PHKB: variants seen among roughly 807,000 people sequenced by gnomAD.
PHKB encodes phosphorylase b kinase regulatory subunit beta.
A neutral mutation model predicts 152.1 loss-of-function variants in PHKB; 122 were observed. The ratio of observed to expected loss-of-function variants is 0.80; its 90% CI spans 0.69 to 0.93. The LOEUF is 0.93. Among genes scored for constraint, PHKB ranks in the 40% least tolerant of loss-of-function variants. The probability of loss-of-function intolerance (pLI) is 0.00; values close to 1 mark genes in which losing one functional copy is unlikely to be tolerated. For synonymous variants in PHKB, 436 were observed against 464.9 expected (o/e 0.94, Z 0.80); for missense variants, 1,304 against 1,328.4 (o/e 0.98, Z 0.29).
intron 2 of PHKB, among the ~76,000 whole-genome samples, chr16:47,498,421 T>C (rs1227878637): frequency 6.6e-6 from 1 of 152,186 alleles, no homozygotes; most frequent in African/African-American, 2.4e-5. Flanking sequence ...CTCACGCCTG[T>C]AATCCCAGCA....
chr16:47,666,102 T>TA, intron 25 of PHKB: 1 of 1,091,404 alleles, frequency 9.2e-7, no homozygotes, highest in South Asian at 1.3e-5. Context: ...CCCTTAATTT[T>TA]AAGTCTGGCA....
chr16:47,635,152 C>G (rs576205310), intron 14 of PHKB, among the ~76,000 whole-genome samples: 1 of 152,024 alleles, frequency 6.6e-6, no homozygotes, highest in Admixed American at 6.5e-5. Context: ...ACGAGTTCTT[C>G]GTGAATTAGC....
At chr16:47,608,865 C>G (rs903942927) in intron 13 of PHKB, among the ~76,000 whole-genome samples, 4 of 152,220 alleles carry the variant, frequency 2.6e-5, no homozygotes, top group Non-Finnish European at 5.9e-5. Context: ...AGCCTTTGTC[C>G]TTTCCAATCT....
At chr16:47,681,616 T>C (rs1377476277) in intron 26 of PHKB, among the ~76,000 whole-genome samples, 2 of 152,082 alleles carry the variant, frequency 1.3e-5, no homozygotes, top group East Asian at 3.9e-4. Flanking sequence ...TGTTTTCCAT[T>C]TGCTTGGTAG....
At chr16:47,554,874 G>A (rs937021109) in intron 7 of PHKB, among the ~76,000 whole-genome samples, 1 of 152,274 alleles carries the variant, frequency 6.6e-6, no homozygotes, top group Non-Finnish European at 1.5e-5. Flanking sequence ...CCAGTGAGAT[G>A]AGCTGGATAC....
rs368121894 is a variant in PHKB, at chr16:47,597,812, C to T, written c.1363+1281C>T. The T allele has an allele frequency of 5.3e-5, 8 of 151,078 alleles. No homozygotes were observed. In the East Asian group the frequency reaches 1.6e-3, roughly 29 times the overall value. 9.4% of individuals were successfully genotyped at this position (151,078 alleles called of 1,614,324 possible). ...TAATGTCTCTTTTACAGAAACTCTA[C>T]CTCTATCCTGATGTAATTAGGTTAA... On this transcript the variant is annotated intron_variant, in intron 13 of 30. Coordinates refer to ENST00000323584, the MANE Select transcript of PHKB (RefSeq NM_000293.3).
At chr16:47,552,887 T>G (rs2857612) in intron 7 of PHKB, among the ~76,000 whole-genome samples, 1 of 152,064 alleles carries the variant, frequency 6.6e-6, no homozygotes, top group African/African-American at 2.4e-5. Flanking sequence ...CATGTAGGGT[T>G]TCTGCAGAGA....
chr16:47,560,029 T>G (rs1057178989), intron 7 of PHKB, among the ~76,000 whole-genome samples: 1 of 152,226 alleles, frequency 6.6e-6, no homozygotes, highest in Admixed American at 6.5e-5. Flanking sequence ...AGTACTTCCT[T>G]CACTGGCAGG....
chr16:47,507,878 T>C (rs1193293572), intron 4 of PHKB, among the ~76,000 whole-genome samples: 1 of 152,224 alleles, frequency 6.6e-6, no homozygotes, highest in Non-Finnish European at 1.5e-5. Context: ...CTTTTCCTCC[T>C]GTCTTGGCCA....
chr16:47,644,429 G>GA lies in PHKB; in HGVS notation c.1608+2739dup, dbSNP rs144402681. 2.5e-3 allele frequency among the ~76,000 whole-genome samples: 386 copies of GA among 152,298 alleles called. 8 individuals are homozygous for GA. In the East Asian group the frequency reaches 0.052, roughly 20 times the overall value. On this transcript the variant is annotated intron_variant, in intron 16 of 30. Coordinates refer to ENST00000323584, the MANE Select transcript of PHKB (RefSeq NM_000293.3). ...GCCAACTTGGGCTGCTGTTCTACAG[G>GA]AATGTACAATTCGAAAGGAGAAAGA...
rs945657281 is a variant in PHKB at position 47,669,251 on chromosome 16, A to T, written c.2464A>T (p.Ile822Phe). 1.2e-6 allele frequency: 2 copies of T among 1,614,100 alleles called. No individual in the cohort carries two copies. The change falls in exon 26 of 31, where the codon ATC becomes TTC. Residue 822 changes from isoleucine (I) to phenylalanine (F), a missense_variant. By Grantham distance (21) the Ile-to-Phe change is conservative (BLOSUM62 0). Coordinates refer to ENST00000323584, the MANE Select transcript of PHKB (RefSeq NM_000293.3). Reference sequence around the variant, plus strand: ...TGCCTTTGGGCATGAAGAAGAAGTTATCTCTAATCCTTTGTCTCCAAGAGT... The same window carrying T: ...TGCCTTTGGGCATGAAGAAGAAGTTTTCTCTAATCCTTTGTCTCCAAGAGT... ...LGAFGHEEEV[I>F]SNPLSPRVIQ...
chr16:47,539,360 A>C (rs1971009356), intron 6 of PHKB, among the ~76,000 whole-genome samples: 2 of 152,138 alleles, frequency 1.3e-5, no homozygotes, highest in Admixed American at 1.3e-4. Context: ...AGAACAGATA[A>C]GTACTTTTTT....
At chr16:47,618,430 T>G (rs897619891) in intron 14 of PHKB, among the ~76,000 whole-genome samples, 2 of 152,188 alleles carry the variant, frequency 1.3e-5, no homozygotes, top group Non-Finnish European at 2.9e-5. Flanking sequence ...TCGTTATTTC[T>G]GTTGAGTGTC....
At position 47,479,697 on chromosome 16, in the gene PHKB, T is replaced by C. The variant is rs541529894; in HGVS notation, c.77-17702T>C. Among the ~76,000 whole-genome samples, 3 of 152,308 alleles carry C rather than the reference T, an allele frequency of 2.0e-5. No homozygotes were observed. The South Asian group carries it at 6.2e-4, about 32-fold the overall frequency. ...CCATCTTCATCTCTTCTTTGTCTTCTAATTCAGATTGCAGATCTTGGGCTC... is the reference window on the plus strand; with the variant it reads ...CCATCTTCATCTCTTCTTTGTCTTCCAATTCAGATTGCAGATCTTGGGCTC... On this transcript the variant is annotated intron_variant, in intron 1 of 30. Transcript: ENST00000323584.
intron 8 of PHKB, among the ~76,000 whole-genome samples, chr16:47,584,300 AT>A (rs563883937): frequency 1.2e-4 from 18 of 152,226 alleles, no homozygotes; most frequent in African/African-American, 3.4e-4. Context: ...TTTAAATATT[AT>A]TTAAATAATG....
intron 1 of PHKB, among the ~76,000 whole-genome samples, chr16:47,476,706 A>G (rs1039280968): frequency 6.6e-6 from 1 of 152,088 alleles, no homozygotes; most frequent in Non-Finnish European, 1.5e-5. Context: ...TCCCTTATGC[A>G]TTACTGGTGT....
chr16:47,663,758 T>C (rs1383747637), intron 24 of PHKB, 24 bp downstream of exon 24: 4 of 1,338,444 alleles, frequency 3.0e-6, no homozygotes, highest in Non-Finnish European at 4.3e-6. Flanking sequence ...TCCTTGTTGT[T>C]ATGTTTTATT....
intron 1 of PHKB, among the ~76,000 whole-genome samples, chr16:47,470,036 G>A (rs985362691): frequency 1.3e-5 from 2 of 152,152 alleles, no homozygotes; most frequent in Admixed American, 6.5e-5. Flanking sequence ...TACAAGTAGT[G>A]CTTTACATTT....
intron 13 of PHKB, among the ~76,000 whole-genome samples, chr16:47,608,234 T>C (rs1288685936): frequency 1.3e-5 from 2 of 152,234 alleles, no homozygotes; most frequent in African/African-American, 4.8e-5. Flanking sequence ...ACTTTTGTTA[T>C]GATGCCATAG....
Sources: allele counts gnomAD v4.1 joint callset (sites outside exome capture counted in the v4.1 genomes callset), GRCh38; gene constraint gnomAD v4.1.1; transcripts MANE v1.5; gene names NCBI Gene and HGNC (gene_info 2026-07-23, HGNC 2026-07-21).